WDR90: variants seen among roughly 807,000 people sequenced by gnomAD.
WDR90 encodes the protein WD repeat-containing protein 90.
A neutral mutation model predicts 195.2 loss-of-function variants in WDR90; 238 were observed. That is an observed-to-expected ratio of 1.22 (90% CI 1.10 to 1.36). The LOEUF (loss-of-function observed/expected upper bound fraction) is 1.36, where lower values mean the gene tolerates loss of function less well. Among genes scored for constraint, WDR90 ranks in the 40% most tolerant of loss-of-function variants. The pLI is 0.00. For missense variants in WDR90, 2,734 were observed against 2,439.5 expected (o/e 1.12, Z -2.54); for synonymous variants, 1,265 against 1,052.4 (o/e 1.20, Z -3.91).
chr16:662,706 G>A lies in WDR90; in HGVS notation c.4173G>A (p.Val1391=). Residue 1391 remains valine (V), a synonymous_variant, in exon 34 of 41, where the codon GTG becomes GTA. Transcript: ENST00000293879. ...CTGTGTTCATGGAACACGAGCTGGT[G>A]CTGGACGGGGCTGTGGTGAGTGCCA... ...ASSVFMEHEL[V]LDGAVVSASF... is the part of the protein sequence containing the mutation. 6.4e-7 allele frequency: 1 copy of A among 1,569,584 alleles called. No homozygotes were observed. Among genetic ancestry groups the A allele is most frequent in the Non-Finnish European group, 8.7e-7 (1 of 1,153,534 alleles).
chr16:663,114 GTTTGTTT>G lies in WDR90; in HGVS notation c.4311+283_4311+289del, dbSNP rs1332307148. 2.1e-5 allele frequency: 13 copies of G among 615,356 alleles called. No individual in the cohort carries two copies. In the Admixed American group the frequency reaches 2.6e-4, roughly 12 times the overall value. 38.1% of individuals were successfully genotyped at this position (615,356 alleles called of 1,614,324 possible). A position where few individuals can be genotyped will look rare whatever the true frequency, so the allele number is the denominator to read the frequency against. ...GCTATTGCTTTGCGTTTTTTTGTTT[GTTTGTTT>G]TTTGTTTTTTGTAATTGTCAAAGAA... On this transcript the variant is annotated intron_variant, in intron 34 of 40. Transcript: ENST00000293879.
rs1233519115 is a variant in WDR90 at position 649,998 on chromosome 16, C to T, written c.110C>T (p.Thr37Ile). Residue 37 changes from threonine to isoleucine, a missense_variant, in exon 3 of 41, where the codon ACC (threonine) becomes ATC (isoleucine). Coordinates refer to ENST00000293879, the MANE Select transcript of WDR90 (RefSeq NM_145294.5). The stretch of plus-strand genomic sequence containing the variant: ...GGGCTCCCGCTTCTCCAGGACAAGA[C>T]CCTGAAGGGCGCCGTGTATCGCATT... ...QGDVAVVTDK[T>I]LKGAVYRIRG... 2 of 1,612,752 alleles carry T rather than the reference C, an allele frequency of 1.2e-6. No homozygotes were observed. Among genetic ancestry groups the T allele is most frequent in the South Asian group, 2.2e-5 (2 of 91,090 alleles).
At chr16:655,520 C>G in intron 15 of WDR90, 52 bp downstream of exon 15, 1 of 1,545,342 alleles carries the variant, frequency 6.5e-7, no homozygotes, top group South Asian at 1.2e-5. Context: ...GCCCTGGTGC[C>G]TGGGCCTCCC....
rs373255605 is a variant in WDR90, at chr16:655,087, C to A, written c.1496C>A (p.Ala499Glu). 2.9e-5 allele frequency: 46 copies of A among 1,612,660 alleles called. No homozygotes were observed. Among genetic ancestry groups the A allele is most frequent in the Non-Finnish European group, 3.7e-5 (44 of 1,179,884 alleles). ...CTCGGTGGCGAGGTGGTCGTTCTGG[C>A]AAAGGCGCACACTGACTTTGACGTC... The part of the protein sequence containing the change: ...VGLGGEVVVL[A>E]KAHTDFDVQA... The change falls in exon 14 of 41, where the codon GCA becomes GAA. Residue 499 changes from alanine to glutamate, a missense_variant. Transcript: ENST00000293879.
chr16:667,213 C>T (rs973746381), intron 40 of WDR90, among the ~76,000 whole-genome samples: 2 of 152,218 alleles, frequency 1.3e-5, no homozygotes, highest in Non-Finnish European at 1.5e-5. Flanking sequence ...CGGGTGGCAG[C>T]GACTTTTAAG....
chr16:656,909 C>T (rs1011388216), intron 19 of WDR90, 38 bp downstream of exon 19: 1 of 1,599,808 alleles, frequency 6.3e-7, no homozygotes, highest in African/African-American at 1.3e-5. Flanking sequence ...ACGGAGACCC[C>T]ACGGTGGAAG....
chr16:651,672 C>G lies in WDR90; in HGVS notation c.765C>G (p.Leu255=). The G allele has an allele frequency of 6.2e-7, 1 of 1,612,890 alleles. No individual in the cohort carries two copies. The highest frequency in any genetic ancestry group is 8.5e-7 in the Non-Finnish European group (1 of 1,179,988). The change falls in exon 8 of 41, where the codon CTC becomes CTG. Residue 255 remains leucine (L), a synonymous_variant. Transcript: ENST00000293879. ...TCCTGGGGCCGGGGCCACAGCCTCT[C>G]CCTTGCCCGGTGGCCTCCAGCAAAC... ...AVLLGPGPQP[L]PCPVASSKPV... is the part of the protein sequence containing the mutation.
Position 661,047 on chromosome 16 carries a change from A to G in WDR90, c.3392-4A>G, listed in dbSNP as rs1396581368. On this transcript the variant is annotated splice_polypyrimidine_tract_variant and splice_region_variant and intron_variant, in intron 28 of 40. Coordinates refer to ENST00000293879, the MANE Select transcript of WDR90 (RefSeq NM_145294.5). Reference sequence around the variant, plus strand: ...GCCTCAGGCCCCGCCCTCTCTGCGCACAGGCTTCTTTGCCTACACGTGCGG... The same window carrying G: ...GCCTCAGGCCCCGCCCTCTCTGCGCGCAGGCTTCTTTGCCTACACGTGCGG... The G allele has an allele frequency of 9.0e-7, 1 of 1,111,456 alleles. No individual in the cohort carries two copies. Among genetic ancestry groups the G allele is most frequent in the Non-Finnish European group, 1.1e-6 (1 of 899,644 alleles). 68.8% of individuals were successfully genotyped at this position (1,111,456 alleles called of 1,614,324 possible). A position where few individuals can be genotyped will look rare whatever the true frequency, so the allele number is the denominator to read the frequency against.
chr16:649,530 CAG>C (rs1188561470), intron 1 of WDR90, 104 bp downstream of exon 1: 32 of 1,258,716 alleles, frequency 2.5e-5, no homozygotes, highest in Middle Eastern at 5.9e-4. Context: ...GCCCTGAGGC[CAG>C]AGTCCCCGCT....
intron 30 of WDR90, 30 bp from the exon 31 acceptor site, chr16:661,567 C>A: frequency 6.3e-7 from 1 of 1,580,196 alleles, no homozygotes; most frequent in South Asian, 1.1e-5. Flanking sequence ...CATCTGTGCA[C>A]CTGACGTGGC....
rs755787348 is a variant in WDR90 at position 659,325 on chromosome 16, G to GTC, written c.3133_3134insTC (p.Ala1045ValfsTer67). On this transcript the variant is annotated frameshift_variant, in exon 26 of 41. Coordinates refer to ENST00000293879, the MANE Select transcript of WDR90 (RefSeq NM_145294.5). LOFTEE classifies it high-confidence loss of function. ...GCAGCAGGTCCCCAAGCCATGTCAG[G>GTC]CATCTCCACCACGGCTGGGCGTCTG... 4.4e-6 allele frequency: 7 copies of GTC among 1,598,404 alleles called. No individual in the cohort carries two copies. The highest frequency in any genetic ancestry group is 5.1e-6 in the Non-Finnish European group (6 of 1,173,444).
rs535775253 is a variant in WDR90 at position 666,542 on chromosome 16, C to T, written c.4828C>T (p.Arg1610Trp). The T allele has an allele frequency of 3.8e-5, 61 of 1,612,584 alleles. No homozygotes were observed. Among genetic ancestry groups the T allele is most frequent in the Admixed American group, 1.0e-4 (6 of 59,996 alleles). Residue 1610 changes from arginine to tryptophan, a missense_variant, in exon 38 of 41, where the codon CGG becomes TGG. By Grantham distance (101) the Arg-to-Trp change is moderately radical (BLOSUM62 -3). Coordinates refer to ENST00000293879, the MANE Select transcript of WDR90 (RefSeq NM_145294.5). ...RVSVWASDWLRNHCELVDWLS... is the reference protein window; with the variant it reads ...RVSVWASDWLWNHCELVDWLS... ...CAGCGTCTGGGCCTCCGACTGGCTG[C>T]GGAACCACTGTGAGCTTGTGGACTG... is the stretch of plus-strand genomic sequence containing the variant.
chr16:666,233 C>T lies in WDR90; in HGVS notation c.4623C>T (p.Leu1541=), dbSNP rs1216326441. Residue 1541 remains leucine, a synonymous_variant, in exon 37 of 41, where the codon CTC becomes CTT. Transcript: ENST00000293879. The part of the protein sequence containing the change: ...VAFSTDGQTV[L]SGDKDGLVAV... ...GCATGGTCCCAGGTCAGACTGTCCT[C>T]TCTGGAGACAAGGATGGGCTCGTGG... is the stretch of plus-strand genomic sequence containing the variant. 25 of 1,612,616 alleles carry T rather than the reference C, an allele frequency of 1.6e-5. No homozygotes were observed. Among genetic ancestry groups the T allele is most frequent in the Non-Finnish European group, 2.0e-5 (24 of 1,179,894 alleles).
Position 659,049 on chromosome 16 carries a change from C to T in WDR90, c.3012-37C>T, listed in dbSNP as rs373488333. On this transcript the variant is annotated intron_variant, in intron 24 of 40. Transcript: ENST00000293879. Reference sequence around the variant, plus strand: ...TCTCAGCTGTGTCTGCCTAGGCCCCCCAGGCCCTCCTGAAACCCTCTCTCC... The same window carrying T: ...TCTCAGCTGTGTCTGCCTAGGCCCCTCAGGCCCTCCTGAAACCCTCTCTCC... 4.9e-5 allele frequency: 79 copies of T among 1,613,246 alleles called. 1 individual carries two copies. In the African/African-American group the frequency reaches 7.7e-4, roughly 16 times the overall value.
At chr16:649,900 C>T (rs1406388386) in intron 2 of WDR90, 46 bp downstream of exon 2, 4 of 1,584,868 alleles carry the variant, frequency 2.5e-6, no homozygotes, top group East Asian at 4.6e-5. Flanking sequence ...CTGCCCTGCC[C>T]CCAGGAGAGC....
rs747704397 is a variant in WDR90 at position 650,649 on chromosome 16, A to C, written c.499A>C (p.Arg167=). ...NRCYGHLKSI[R]LCASLLVRNL... ...GTGCTACGGCCATCTCAAGAGCATC[A>C]GGCTGTGCGCCAGCCTGCTGGTCAG... Residue 167 remains arginine (R), a synonymous_variant, in exon 5 of 41, where the codon AGG becomes CGG. Transcript: ENST00000293879. 51 of 1,612,602 alleles carry C rather than the reference A, an allele frequency of 3.2e-5. No homozygotes were observed. Among genetic ancestry groups the C allele is most frequent in the Non-Finnish European group, 4.2e-5 (50 of 1,179,894 alleles).
chr16:649,298 T>A (rs1164240159), upstream of WDR90: 2 of 1,234,600 alleles, frequency 1.6e-6, no homozygotes, highest in Non-Finnish European at 2.1e-6. Context: ...GGCGCCGCCA[T>A]GACGGCGGAA....
At chr16:649,285 C>G, upstream of WDR90, 1 of 1,153,880 alleles carries the variant, frequency 8.7e-7, no homozygotes, top group Non-Finnish European at 1.1e-6. Context: ...GTCACGTGGC[C>G]AGGGCGCCGC....
intron 28 of WDR90, 48 bp from the exon 29 acceptor site, chr16:661,003 C>CGGCCACAGG: frequency 1.1e-5 from 1 of 94,710 alleles, no homozygotes. Context: ...CCTCCCCGCC[C>CGGCCACAGG]CCCCCCCCCC....
Sources: allele counts gnomAD v4.1 joint callset (sites outside exome capture counted in the v4.1 genomes callset), GRCh38; gene constraint gnomAD v4.1.1; transcripts MANE v1.5; gene names NCBI Gene and HGNC (gene_info 2026-07-23, HGNC 2026-07-21).